ROBO1: variants seen among roughly 807,000 people sequenced by gnomAD.
The protein encoded by ROBO1 is roundabout guidance receptor 1, also known as roundabout homolog 1.
ROBO1 carries 149 observed loss-of-function variants against 195.9 expected under a neutral mutation model. The ratio of observed to expected loss-of-function variants is 0.76; its 90% CI spans 0.67 to 0.87. The LOEUF (loss-of-function observed/expected upper bound fraction) is 0.87. Among genes scored for constraint, ROBO1 ranks in the 40% least tolerant of loss-of-function variants. The pLI is 0.00. For synonymous variants in ROBO1, 816 were observed against 733.2 expected, an observed-to-expected ratio of 1.11 and a Z score of -1.82; for missense variants, 1,933 against 2,068.3, an observed-to-expected ratio of 0.93 and a Z score of 1.27.
intron 18 of ROBO1, among the ~76,000 whole-genome samples, chr3:78,653,279 G>A (rs1242322448): frequency 6.6e-6 from 1 of 151,754 alleles, no homozygotes; most frequent in Non-Finnish European, 1.5e-5. Flanking sequence ...TGCCTTACAT[G>A]ACTGACTTAC....
chr3:78,941,300 C>T (rs931987649), intron 3 of ROBO1, among the ~76,000 whole-genome samples: 1 of 152,086 alleles, frequency 6.6e-6, no homozygotes, highest in Non-Finnish European at 1.5e-5. Context: ...AAAAAAATTA[C>T]TTGGAAACTT....
chr3:79,592,866 C>G (rs1292579341), intron 1 of ROBO1, among the ~76,000 whole-genome samples: 2 of 151,956 alleles, frequency 1.3e-5, no homozygotes, highest in Admixed American at 6.6e-5. Context: ...GTTTCACTGC[C>G]CTAAAAATCC....
intron 29 of ROBO1, among the ~76,000 whole-genome samples, chr3:78,601,360 G>C (rs1442754313): frequency 6.6e-6 from 1 of 152,126 alleles, no homozygotes; most frequent in African/African-American, 2.4e-5. Context: ...ATCGTTTTCT[G>C]AAGCCAGTAT....
At chr3:78,598,967 T>G (rs1703002869) in intron 30 of ROBO1, 40 bp from the exon 31 acceptor site, 2 of 1,355,460 alleles carry the variant, frequency 1.5e-6, no homozygotes, top group Non-Finnish European at 1.0e-6. Context: ...AAAATAAATC[T>G]TAAGAGGATT....
At chr3:79,735,870 C>CAAAAAAAAAAAAAAAAAAAA (rs1220855864) in intron 1 of ROBO1, among the ~76,000 whole-genome samples, 1 of 70,780 alleles carries the variant, frequency 1.4e-5, no homozygotes. Flanking sequence ...GACTCCGTCT[C>CAAAAAAAAAAAAAAAAAAAA]AAAAAAAAAA....
At chr3:79,700,587 G>A (rs1947595169) in intron 1 of ROBO1, among the ~76,000 whole-genome samples, 1 of 151,666 alleles carries the variant, frequency 6.6e-6, no homozygotes, top group Non-Finnish European at 1.5e-5. Flanking sequence ...GTGTGAGATG[G>A]TGCCTTATTG....
Position 78,662,038 on chromosome 3 carries a change from G to A in ROBO1, c.2043C>T (p.His681=). The change falls in exon 15 of 31, where the codon CAC becomes CAT. Residue 681 remains histidine, a synonymous_variant. Transcript: ENST00000464233. ...AAGAGGAAGAAAGGACGGTGGGGTTGTGGAGGTGCAGAACAGCATTTCCCA... is the reference window on the plus strand; with the variant it reads ...AAGAGGAAGAAAGGACGGTGGGGTTATGGAGGTGCAGAACAGCATTTCCCA... ...RELGNAVLHL[H]NPTVLSSSSI... is the part of the protein sequence containing the mutation. The A allele has an allele frequency of 1.2e-6, 2 of 1,602,416 alleles. No individual in the cohort carries two copies. Among genetic ancestry groups the A allele is most frequent in the South Asian group, 1.1e-5 (1 of 88,318 alleles).
intron 2 of ROBO1, among the ~76,000 whole-genome samples, chr3:79,183,080 C>CAAAAAAAAAAAAAAA (rs1304597488): frequency 0.014 from 899 of 64,584 alleles, 45 homozygotes; most frequent in African/African-American, 0.046. Context: ...GACTCCAACT[C>CAAAAAAAAAAAAAAA]AAAAAAAAAA....
intron 3 of ROBO1, among the ~76,000 whole-genome samples, chr3:78,942,255 A>G (rs13322089): frequency 0.11 from 16,151 of 152,020 alleles, 2,100 homozygotes; most frequent in African/African-American, 0.32. Flanking sequence ...AGCTGAGATC[A>G]CACCACCACA....
At chr3:78,787,479 C>T (rs2083871405) in intron 4 of ROBO1, among the ~76,000 whole-genome samples, 1 of 152,266 alleles carries the variant, frequency 6.6e-6, no homozygotes, top group Non-Finnish European at 1.5e-5. Context: ...AGAATGAGTT[C>T]ATCCAGGGTA....
At chr3:79,139,616 A>G (rs1468195120) in intron 2 of ROBO1, among the ~76,000 whole-genome samples, 1 of 152,166 alleles carries the variant, frequency 6.6e-6, no homozygotes, top group Non-Finnish European at 1.5e-5. Context: ...CTCAAATCAA[A>G]TCCTCAATAA....
At chr3:79,198,383 T>C (rs1009209542) in intron 2 of ROBO1, among the ~76,000 whole-genome samples, 1 of 152,112 alleles carries the variant, frequency 6.6e-6, no homozygotes, top group Non-Finnish European at 1.5e-5. Flanking sequence ...CTCTTTTCTG[T>C]TCCATTGGTC....
intron 4 of ROBO1, among the ~76,000 whole-genome samples, chr3:78,787,128 C>T (rs943781993): frequency 5.3e-5 from 8 of 152,156 alleles, no homozygotes; most frequent in Admixed American, 2.0e-4. Flanking sequence ...AATTTGATTT[C>T]TGAGAATAAG....
At chr3:79,001,752 G>C (rs1305000833) in intron 3 of ROBO1, among the ~76,000 whole-genome samples, 2 of 152,006 alleles carry the variant, frequency 1.3e-5, no homozygotes, top group East Asian at 3.9e-4. Context: ...TTTCCTAAAA[G>C]AAGCAATTCA....
At chr3:79,502,594 C>T (rs1206804090) in intron 2 of ROBO1, among the ~76,000 whole-genome samples, 1 of 152,192 alleles carries the variant, frequency 6.6e-6, no homozygotes, top group East Asian at 1.9e-4. Flanking sequence ...TGCCCAAGGG[C>T]TGAGGAGTGC....
At chr3:78,830,154 T>C (rs1378173534) in intron 4 of ROBO1, among the ~76,000 whole-genome samples, 4 of 152,170 alleles carry the variant, frequency 2.6e-5, no homozygotes, top group Non-Finnish European at 5.9e-5. Context: ...GCCAGTCTCG[T>C]TTTTCTTTCT....
At chr3:79,627,535 A>T (rs536776424) in intron 1 of ROBO1, among the ~76,000 whole-genome samples, 1 of 152,358 alleles carries the variant, frequency 6.6e-6, no homozygotes, top group South Asian at 2.1e-4. Context: ...TAAAATCAAA[A>T]GCCATAAAAA....
chr3:79,003,495 G>A (rs909334775), intron 3 of ROBO1, among the ~76,000 whole-genome samples: 3 of 151,760 alleles, frequency 2.0e-5, no homozygotes, highest in East Asian at 1.9e-4. Context: ...AAAACATGCC[G>A]AACACTCTTT....
intron 2 of ROBO1, among the ~76,000 whole-genome samples, chr3:79,489,260 G>A (rs966496858): frequency 6.6e-6 from 1 of 151,944 alleles, no homozygotes; most frequent in African/African-American, 2.4e-5. Flanking sequence ...GTGAAGGTAT[G>A]GCATAAACAT....
Sources: allele counts gnomAD v4.1 joint callset (sites outside exome capture counted in the v4.1 genomes callset), GRCh38; gene constraint gnomAD v4.1.1; transcripts MANE v1.5; gene names NCBI Gene and HGNC (gene_info 2026-07-23, HGNC 2026-07-21).